MEPE: variants seen among roughly 807,000 people sequenced by gnomAD.
The protein encoded by MEPE is matrix, extracellular phosphoglycoprotein with ASARM motif (bone).
In MEPE, 7 loss-of-function variants were observed where a neutral mutation model predicts 7.3. That is an observed-to-expected ratio of 0.95 (90% CI 0.54 to 1.79). The LOEUF (loss-of-function observed/expected upper bound fraction) is 1.79. Ranked by LOEUF, MEPE falls within the 40% of genes most tolerant of loss-of-function variation. The pLI is 0.00. For missense variants in MEPE, 623 were observed against 628.2 expected (o/e 0.99, Z 0.09); for synonymous variants, 214 against 213.1 (o/e 1.00, Z -0.04).
upstream of MEPE, among the ~76,000 whole-genome samples, chr4:87,828,092 T>C (rs1029385743): frequency 6.6e-6 from 1 of 152,172 alleles, no homozygotes; most frequent in African/African-American, 2.4e-5. Flanking sequence ...AGCACACTCA[T>C]TCTGGACTCT....
intron 1 of MEPE, among the ~76,000 whole-genome samples, chr4:87,824,846 A>G (rs1401906739): frequency 6.6e-6 from 1 of 152,008 alleles, no homozygotes; most frequent in South Asian, 2.1e-4. Flanking sequence ...CTACATATTT[A>G]TGTATTAGTT....
At chr4:87,827,866 G>A (rs1395827679) in intron 1 of MEPE, among the ~76,000 whole-genome samples, 1 of 152,090 alleles carries the variant, frequency 6.6e-6, no homozygotes, top group Non-Finnish European at 1.5e-5. Context: ...TTCTGCATCT[G>A]GCTGAAATTT....
intron 1 of MEPE, among the ~76,000 whole-genome samples, chr4:87,833,995 A>G (rs13125559): frequency 0.4 from 60,074 of 151,954 alleles, 12,160 homozygotes; most frequent in African/African-American, 0.44. Context: ...TGAATTCTAA[A>G]GCAAGTTATT....
chr4:87,829,426 A>T (rs1174109013), upstream of MEPE, among the ~76,000 whole-genome samples: 4 of 152,128 alleles, frequency 2.6e-5, no homozygotes, highest in Non-Finnish European at 2.9e-5. Flanking sequence ...ATCATAATTA[A>T]TTTTCCATCA....
chr4:87,846,363 A>C lies in MEPE; in HGVS notation c.1495A>C (p.Asn499His), dbSNP rs1723265170. 1 of 1,613,986 alleles carries C rather than the reference A, an allele frequency of 6.2e-7. No individual in the cohort carries two copies. The highest frequency in any genetic ancestry group is 8.5e-7 in the Non-Finnish European group (1 of 1,179,978). ...KGSWGRQPHS[N>H]RRFSSRRRDD... Reference sequence around the variant, plus strand: ...CTCCTGGGGTAGACAACCCCATTCCAACAGGAGGTTTAGTTCCCGTAGAAG... The same window carrying C: ...CTCCTGGGGTAGACAACCCCATTCCCACAGGAGGTTTAGTTCCCGTAGAAG... The change falls in exon 4 of 4, where the codon AAC becomes CAC. Residue 499 changes from asparagine (N) to histidine (H), a missense_variant. Transcript: ENST00000361056.
At chr4:87,841,807 G>C (rs762797790) in intron 3 of MEPE, among the ~76,000 whole-genome samples, 6 of 152,136 alleles carry the variant, frequency 3.9e-5, no homozygotes, top group Non-Finnish European at 8.8e-5. Flanking sequence ...CAATTCAAGA[G>C]CAGGGGGGTC....
At chr4:87,833,556 G>C (rs1399916251) in intron 1 of MEPE, among the ~76,000 whole-genome samples, 1 of 152,082 alleles carries the variant, frequency 6.6e-6, no homozygotes, top group Admixed American at 6.6e-5. Flanking sequence ...GCTTTTCCTT[G>C]AGGTGTTTAA....
chr4:87,842,438 CA>C (rs1174852597), intron 3 of MEPE, among the ~76,000 whole-genome samples: 1 of 152,094 alleles, frequency 6.6e-6, no homozygotes, highest in African/African-American at 2.4e-5. Context: ...AAGTGGTTGT[CA>C]AAAAGCACAA....
At chr4:87,829,841 G>T (rs192562118), upstream of MEPE, among the ~76,000 whole-genome samples, 34 of 144,800 alleles carry the variant, frequency 2.3e-4, no homozygotes, top group Admixed American at 2.1e-3. Flanking sequence ...TCCCTTGTTA[G>T]CTCCTTTCTA....
At chr4:87,830,763 G>A (rs1296131338), upstream of MEPE, among the ~76,000 whole-genome samples, 1 of 151,546 alleles carries the variant, frequency 6.6e-6, no homozygotes, top group Non-Finnish European at 1.5e-5. Context: ...CATGAGGTGA[G>A]GGAGAGGAGG....
chr4:87,827,573 A>AG (rs947159006), intron 1 of MEPE, among the ~76,000 whole-genome samples: 61 of 152,266 alleles, frequency 4.0e-4, no homozygotes, highest in African/African-American at 1.4e-3. Flanking sequence ...GACTATTATG[A>AG]GGGTAAGAGA....
chr4:87,841,707 AAG>A (rs1197605107), intron 3 of MEPE, among the ~76,000 whole-genome samples: 2 of 152,178 alleles, frequency 1.3e-5, no homozygotes, highest in African/African-American at 2.4e-5. Context: ...AGTGAAAAAA[AAG>A]AGAGAGTCCA....
At chr4:87,829,367 C>T (rs1722544965), upstream of MEPE, among the ~76,000 whole-genome samples, 1 of 141,862 alleles carries the variant, frequency 7.0e-6, no homozygotes, top group East Asian at 1.9e-4. Context: ...CAGTTTTTTT[C>T]TCTTAAAACT....
intron 1 of MEPE, among the ~76,000 whole-genome samples, 174 bp downstream of exon 1, chr4:87,833,188 C>T (rs920942134): frequency 6.6e-6 from 1 of 152,108 alleles, no homozygotes; most frequent in Non-Finnish European, 1.5e-5. Flanking sequence ...CGTTACCATG[C>T]TCTAGAAATC....
chr4:87,830,051 T>C (rs138508669), upstream of MEPE, among the ~76,000 whole-genome samples: 21 of 152,246 alleles, frequency 1.4e-4, no homozygotes, highest in East Asian at 4.1e-3. Context: ...ACTAGAGTTC[T>C]AGAGTTCAAT....
At chr4:87,839,719 A>T (rs1273775807) in intron 3 of MEPE, 4 of 1,550,014 alleles carry the variant, frequency 2.6e-6, no homozygotes, top group Non-Finnish European at 3.5e-6. Context: ...AAACATGGGC[A>T]TTATGTTTTT....
At chr4:87,822,411 G>A (rs1265670571) in intron 1 of MEPE, among the ~76,000 whole-genome samples, 2 of 152,064 alleles carry the variant, frequency 1.3e-5, no homozygotes, top group Admixed American at 6.5e-5. Flanking sequence ...AGTGGTCCCC[G>A]GGCAGCAGTG....
intron 2 of MEPE, among the ~76,000 whole-genome samples, chr4:87,836,243 A>G (rs1398644998): frequency 6.6e-6 from 1 of 152,200 alleles, no homozygotes; most frequent in Non-Finnish European, 1.5e-5. Flanking sequence ...TAGAATTATA[A>G]GCCAAATTCT....
chr4:87,824,515 T>C (rs911293202), intron 1 of MEPE, among the ~76,000 whole-genome samples: 2 of 152,240 alleles, frequency 1.3e-5, no homozygotes, highest in Non-Finnish European at 2.9e-5. Flanking sequence ...AAAGCAGCCA[T>C]AGACAATTCG....
Sources: allele counts gnomAD v4.1 joint callset (sites outside exome capture counted in the v4.1 genomes callset), GRCh38; gene constraint gnomAD v4.1.1; transcripts MANE v1.5; gene names NCBI Gene and HGNC (gene_info 2026-07-23, HGNC 2026-07-21).